Variants in PPEF1 observed in about 807,000 individuals in gnomAD.
PPEF1 encodes protein phosphatase with EF-hand domain 1.
PPEF1 carries 12 observed loss-of-function variants against 53.3 expected under a neutral mutation model. That is an observed-to-expected ratio of 0.23 (90% CI 0.14 to 0.36). PPEF1 has a LOEUF of 0.36. Ranked by LOEUF, PPEF1 falls within the 10% of genes least tolerant of loss-of-function variation. The pLI is 1.00. For synonymous variants in PPEF1, 165 were observed against 176.7 expected, an observed-to-expected ratio of 0.93 and a Z score of 0.52; for missense variants, 334 against 490.4, an observed-to-expected ratio of 0.68 and a Z score of 3.01.
chrX:18,706,771 C>T (rs777162040), upstream of PPEF1, among the ~76,000 whole-genome samples: 1 of 106,341 alleles, frequency 9.4e-6, no homozygotes, highest in Non-Finnish European at 1.9e-5. Context: ...TAAAAGGACA[C>T]TCTCACAGAT....
intron 9 of PPEF1, among the ~76,000 whole-genome samples, chrX:18,787,342 C>T (rs1380920572): frequency 5.4e-5 from 6 of 110,917 alleles, no homozygotes; most frequent in Non-Finnish European, 1.1e-4. Context: ...ATTCTAGGTT[C>T]ATTTAAGGTA....
At chrX:18,787,614 G>A (rs1315589106) in intron 9 of PPEF1, among the ~76,000 whole-genome samples, 1 of 109,964 alleles carries the variant, frequency 9.1e-6, no homozygotes, top group Non-Finnish European at 1.9e-5. Context: ...TGCTCAATGA[G>A]CTCATCAGAA....
intron 1 of PPEF1, among the ~76,000 whole-genome samples, chrX:18,711,505 C>T (rs2044327488): frequency 8.9e-6 from 1 of 111,740 alleles, no homozygotes; most frequent in South Asian, 3.7e-4. Flanking sequence ...TACTTTTAGG[C>T]ATTTGAACCA....
chrX:18,717,527 C>T (rs2044485179), intron 1 of PPEF1, among the ~76,000 whole-genome samples: 1 of 110,453 alleles, frequency 9.1e-6, no homozygotes, highest in African/African-American at 3.3e-5. Context: ...CCCGCTGTCT[C>T]CTACCTCCTC....
At chrX:18,806,587 G>C (rs777668655) in intron 12 of PPEF1, 42 bp downstream of exon 12, 3 of 1,139,706 alleles carry the variant, frequency 2.6e-6, no homozygotes, top group Non-Finnish European at 3.5e-6. Context: ...TGGTATCACG[G>C]ACCCATTAGA....
chrX:18,759,787 G>A (rs2045621380), intron 5 of PPEF1, among the ~76,000 whole-genome samples: 1 of 111,567 alleles, frequency 9.0e-6, no homozygotes, highest in Admixed American at 9.5e-5. Flanking sequence ...CAGTATATTT[G>A]GAGTCTTCTA....
At position 18,735,809 on chromosome X, in the gene PPEF1, A is replaced by G. The variant is rs1454224054; in HGVS notation, c.235+2001A>G. The stretch of plus-strand genomic sequence containing the variant: ...TGTGTCCTCTTTTATTTCCTTGAGC[A>G]GTGGTTTGTAGTTCTCCTTGAAGAG... On this transcript the variant is annotated intron_variant, in intron 3 of 15. Transcript: ENST00000470157. 2.7e-5 allele frequency among the ~76,000 whole-genome samples: 3 copies of G among 111,595 alleles called. No homozygotes were observed. In the Admixed American group the frequency reaches 2.9e-4, roughly 11 times the overall value.
At position 18,713,420 on chromosome X, in the gene PPEF1, C is replaced by CTTTTTTTTTTTTTTT. The variant is rs55997147; in HGVS notation, c.46+5598_46+5612dup. On this transcript the variant is annotated intron_variant, in intron 1 of 15. Coordinates refer to ENST00000470157, the MANE Select transcript of PPEF1 (RefSeq NM_001377996.1). Reference sequence around the variant, plus strand: ...TTGTTCAGAGTATTCCCTTAAAATTCTTTTTTTTTTTTTTTTTTCTTTACT... The same window carrying CTTTTTTTTTTTTTTT: ...TTGTTCAGAGTATTCCCTTAAAATTCTTTTTTTTTTTTTTTTTTTTTTTTTTTTTTTTTCTTTACT... Among the ~76,000 whole-genome samples, 104 of 77,462 alleles carry CTTTTTTTTTTTTTTT rather than the reference C, an allele frequency of 1.3e-3. 5 individuals are homozygous for CTTTTTTTTTTTTTTT. Among genetic ancestry groups the CTTTTTTTTTTTTTTT allele is most frequent in the Middle Eastern group, 9.3e-3 (1 of 107 alleles). The allele number at this position is 77,462 out of a possible 115,157, so 67.3% of individuals were successfully genotyped here.
chrX:18,706,209 C>A (rs1166050980), upstream of PPEF1, among the ~76,000 whole-genome samples: 6 of 82,689 alleles, frequency 7.3e-5, no homozygotes, highest in Admixed American at 4.2e-4. Flanking sequence ...CAGAGTGAGA[C>A]CCTGTCTGAA....
Position 18,823,963 on chromosome X carries a change from C to T in PPEF1, c.1542C>T (p.Asn514=). Residue 514 remains asparagine (N), a synonymous_variant, in exon 14 of 16, where the codon AAC becomes AAT. Transcript: ENST00000470157. ...SVSQWAFCME[N]ILGLNLPWRS... The stretch of plus-strand genomic sequence containing the variant: ...GCCAGTGGGCTTTTTGCATGGAGAA[C>T]ATTTTGGGGCTGAACTTACCATGGA... 2.5e-6 allele frequency: 3 copies of T among 1,208,842 alleles called. No individual in the cohort carries two copies. Among genetic ancestry groups the T allele is most frequent in the Non-Finnish European group, 3.4e-6 (3 of 893,700 alleles).
In PPEF1 at chrX:18,707,851, G is replaced by A. The variant is rs1474995194; in HGVS notation, c.46+25G>A. 4.2e-6 allele frequency: 5 copies of A among 1,188,875 alleles called. No individual in the cohort carries two copies. In the South Asian group the frequency reaches 7.2e-5, roughly 17 times the overall value. ...TGTGAGTACTGGGAATGTGCCTGTG[G>A]TTATGAATGAAAAGGGGAAAATGAG... On this transcript the variant is annotated intron_variant, in intron 1 of 15. Coordinates refer to ENST00000470157, the MANE Select transcript of PPEF1 (RefSeq NM_001377996.1).
At chrX:18,692,984 C>T (rs1200500384) in intron 4 of PPEF1, among the ~76,000 whole-genome samples, 1 of 111,745 alleles carries the variant, frequency 8.9e-6, no homozygotes, top group Non-Finnish European at 1.9e-5. Context: ...ACCCTGTAAT[C>T]AGTGGCTTCA....
chrX:18,810,211 G>A (rs943325039), intron 12 of PPEF1, among the ~76,000 whole-genome samples: 32 of 108,515 alleles, frequency 2.9e-4, no homozygotes, highest in African/African-American at 1.0e-3. Context: ...TACTTCAGAA[G>A]GGTTATAACA....
chrX:18,799,249 G>T (rs2046501457), intron 10 of PPEF1, among the ~76,000 whole-genome samples: 2 of 97,789 alleles, frequency 2.0e-5, no homozygotes, highest in East Asian at 6.8e-4. Flanking sequence ...AAAAAAAAAT[G>T]ACATGGTCTA....
chrX:18,773,098 A>G (rs2045900371), intron 6 of PPEF1, among the ~76,000 whole-genome samples: 1 of 112,547 alleles, frequency 8.9e-6, no homozygotes, highest in African/African-American at 3.2e-5. Flanking sequence ...AGGGGAGGCA[A>G]ATTAGGCTTC....
intron 13 of PPEF1, among the ~76,000 whole-genome samples, chrX:18,821,330 G>T (rs1042496047): frequency 6.3e-5 from 7 of 111,103 alleles, no homozygotes; most frequent in African/African-American, 2.3e-4. Flanking sequence ...AGAATTTATG[G>T]GATGCAAATT....
Position 18,827,545 on chromosome X carries a change from C to A in PPEF1, c.*58C>A. 1 of 946,064 alleles carries A rather than the reference C, an allele frequency of 1.1e-6. No homozygotes were observed. The highest frequency in any genetic ancestry group is 1.5e-6 in the Non-Finnish European group (1 of 670,787). 78.0% of individuals were successfully genotyped at this position (946,064 alleles called of 1,213,427 possible). ...AACAGCTAGGCCCAAATCACAAGTA[C>A]AGTCCTTTCCAACACCCCTGAAATT... On this transcript the variant is annotated 3_prime_UTR_variant, in exon 16 of 16. Coordinates refer to ENST00000470157, the MANE Select transcript of PPEF1 (RefSeq NM_001377996.1).
chrX:18,758,445 C>T (rs967342932), intron 5 of PPEF1, among the ~76,000 whole-genome samples: 1 of 111,832 alleles, frequency 8.9e-6, no homozygotes, highest in African/African-American at 3.3e-5. Context: ...AGTTTTTAGC[C>T]TGCATTTCTC....
At position 18,767,971 on chromosome X, in the gene PPEF1, T is replaced by C. The variant is rs150176002; in HGVS notation, c.558+6395T>C. On this transcript the variant is annotated intron_variant, in intron 6 of 15. Coordinates refer to ENST00000470157, the MANE Select transcript of PPEF1 (RefSeq NM_001377996.1). Reference sequence around the variant, plus strand: ...ATGGTAGAATTTCTGTGATGGTCTTTGTTTCTCACTGTAATGCTTTGTACT... The same window carrying C: ...ATGGTAGAATTTCTGTGATGGTCTTCGTTTCTCACTGTAATGCTTTGTACT... Among the ~76,000 whole-genome samples the C allele has an allele frequency of 7.2e-5, 8 of 111,372 alleles. No homozygotes were observed. In the East Asian group the frequency reaches 2.3e-3, roughly 32 times the overall value.
Sources: allele counts gnomAD v4.1 joint callset (sites outside exome capture counted in the v4.1 genomes callset), GRCh38; gene constraint gnomAD v4.1.1; transcripts MANE v1.5; gene names NCBI Gene and HGNC (gene_info 2026-07-23, HGNC 2026-07-21).